The following IDH3G variants were observed in gnomAD, a reference collection of about 807,000 sequenced individuals.
The protein encoded by IDH3G is isocitrate dehydrogenase [NAD] subunit gamma, mitochondrial.
In IDH3G, 9 loss-of-function variants were observed where a neutral mutation model predicts 26.9. The ratio of observed to expected loss-of-function variants is 0.34; its 90% CI spans 0.20 to 0.58. The LOEUF (loss-of-function observed/expected upper bound fraction) is 0.58. IDH3G is among the 20% of genes least tolerant of loss of function. The pLI is 0.85. For missense variants in IDH3G, 250 were observed against 372.8 expected (o/e 0.67, Z 2.71); for synonymous variants, 181 against 160.0 (o/e 1.13, Z -0.99).
chrX:153,789,795 T>G lies in IDH3G; in HGVS notation c.263A>C (p.Glu88Ala). The change falls in exon 5 of 13, where the codon GAG (glutamate) becomes GCG (alanine). Residue 88 changes from glutamate (E) to alanine (A), a missense_variant. Physicochemically the swap from Glu to Ala is moderately radical, Grantham distance 107 (BLOSUM62 -1). Around this residue, in one of 2 missense-constraint regions of IDH3G, gnomAD observed 201 missense variants for 331.3 expected, o/e 0.61. Transcript: ENST00000217901. ...RHACVPVDFE[E>A]VHVSSNADEE... ...ATCAGCATTGGAACTCACGTGCACC[T>G]CTTCAAAGTCCACTGGTACACATGC... 1 of 1,202,032 alleles carries G rather than the reference T, an allele frequency of 8.3e-7. No homozygotes were observed. Among genetic ancestry groups the G allele is most frequent in the Non-Finnish European group, 1.1e-6 (1 of 888,395 alleles).
At chrX:153,786,546 G>A (rs1557069231) in intron 10 of IDH3G, 97 bp from the exon 11 acceptor site, 1 of 726,103 alleles carries the variant, frequency 1.4e-6, no homozygotes, top group African/African-American at 2.1e-5. Flanking sequence ...CACTCCACAG[G>A]GACAAAAGCC....
intron 8 of IDH3G, 54 bp downstream of exon 8, chrX:153,787,410 A>G (rs909169973): frequency 5.1e-6 from 6 of 1,179,038 alleles, no homozygotes; most frequent in Admixed American, 4.4e-5. Context: ...AGCAGGCCCA[A>G]GCAGGCCACT....
Position 153,785,832 on chromosome X carries a change from G to A in IDH3G, c.*40C>T. 2 of 1,195,928 alleles carry A rather than the reference G, an allele frequency of 1.7e-6. No homozygotes were observed. The highest frequency in any genetic ancestry group is 3.0e-5 in the East Asian group (1 of 33,799). On this transcript the variant is annotated 3_prime_UTR_variant, in exon 13 of 13. Transcript: ENST00000217901. ...CTGGCTGGGGTGCTGGAGTGGGAAG[G>A]GGAATCCAAGGAGCAAACCAAGAAG...
chrX:153,790,718 G>A, intron 2 of IDH3G, 92 bp downstream of exon 2: 1 of 1,087,636 alleles, frequency 9.2e-7, no homozygotes. Flanking sequence ...TGGAGACCAC[G>A]TCTCAGAGGA....
At position 153,788,130 on chromosome X, in the gene IDH3G, T is replaced by A; in HGVS notation, c.352A>T (p.Ile118Phe). The part of the protein sequence containing the change: ...RRNRVALKGN[I>F]ETNHNLPPSH... Reference sequence around the variant, plus strand: ...GGTGGCAGGTTATGGTTGGTTTCGATGTTGCCTACAAAACACAACACAGGC... The same window carrying A: ...GGTGGCAGGTTATGGTTGGTTTCGAAGTTGCCTACAAAACACAACACAGGC... Residue 118 changes from isoleucine to phenylalanine, a missense_variant, in exon 6 of 13, where the codon ATC (isoleucine) becomes TTC (phenylalanine). By Grantham distance (21) the Ile-to-Phe change is conservative. This residue lies in a region of IDH3G where 201 missense variants were observed against 331.3 expected (regional missense o/e 0.61). Coordinates refer to ENST00000217901, the MANE Select transcript of IDH3G (RefSeq NM_004135.4). 1 of 1,212,052 alleles carries A rather than the reference T, an allele frequency of 8.3e-7. No homozygotes were observed.
At chrX:153,792,866 G>A (rs1313500191) in intron 1 of IDH3G, among the ~76,000 whole-genome samples, 2 of 112,333 alleles carry the variant, frequency 1.8e-5, no homozygotes, top group African/African-American at 3.2e-5. Context: ...TGTGAGGCAG[G>A]ATGCAATATG....
Position 153,790,245 on chromosome X carries a change from T to C in IDH3G, c.183A>G (p.Pro61=). 8.3e-7 allele frequency: 1 copy of C among 1,211,432 alleles called. No individual in the cohort carries two copies. Among genetic ancestry groups the C allele is most frequent in the Non-Finnish European group, 1.1e-6 (1 of 895,064 alleles). Reference sequence around the variant, plus strand: ...TGAGCTCTGGCCCGATGCCATCCCCTGGGATCATGGTCACCGTGTGCCGCC... The same window carrying C: ...TGAGCTCTGGCCCGATGCCATCCCCCGGGATCATGGTCACCGTGTGCCGCC... ...YGGRHTVTMI[P]GDGIGPELML... Residue 61 remains proline (P), a synonymous_variant, in exon 4 of 13, where the codon CCA becomes CCG. Coordinates refer to ENST00000217901, the MANE Select transcript of IDH3G (RefSeq NM_004135.4).
intron 1 of IDH3G, chrX:153,793,950 T>G: frequency 4.2e-6 from 1 of 237,371 alleles, no homozygotes; most frequent in Non-Finnish European, 7.6e-6. Flanking sequence ...AGTGACTGCC[T>G]CAGAAGGGCT....
intron 1 of IDH3G, chrX:153,792,295 A>G (rs1475363260): frequency 8.9e-6 from 1 of 112,560 alleles, no homozygotes; most frequent in Non-Finnish European, 1.9e-5. Context: ...GAACAAGCAC[A>G]TCAGAAAATG....
intron 1 of IDH3G, 156 bp from the exon 2 acceptor site, chrX:153,791,007 C>A: frequency 4.2e-6 from 2 of 473,660 alleles, no homozygotes; most frequent in Admixed American, 3.7e-5. Context: ...GCTCCAAAGC[C>A]TCAGTCCCCA....
chrX:153,791,583 G>C (rs973922636), intron 1 of IDH3G, among the ~76,000 whole-genome samples: 2 of 112,775 alleles, frequency 1.8e-5, no homozygotes, highest in Non-Finnish European at 3.8e-5. Context: ...AAATGTGCCA[G>C]GTGCCAAGTG....
At position 153,790,542 on chromosome X, in the gene IDH3G, ACAGG is replaced by A. The variant is rs1557070227; in HGVS notation, c.135+18_135+21del. Reference sequence around the variant, plus strand: ...AGCAACTAAGAGCCCCCCAAACCTAACAGGCAGAGAAGAATACTCACAATTGTTT... The same window carrying A: ...AGCAACTAAGAGCCCCCCAAACCTAACAGAGAAGAATACTCACAATTGTTT... On this transcript the variant is annotated intron_variant, in intron 3 of 12. Coordinates refer to ENST00000217901, the MANE Select transcript of IDH3G (RefSeq NM_004135.4). 1 of 1,202,320 alleles carries A rather than the reference ACAGG, an allele frequency of 8.3e-7. No individual in the cohort carries two copies. Among genetic ancestry groups the A allele is most frequent in the Admixed American group, 2.2e-5 (1 of 45,937 alleles).
rs2071122 is a variant in IDH3G at position 153,786,452 on chromosome X, G to A, written c.925-3C>T. The A allele has an allele frequency of 0.3, 348,568 of 1,168,913 alleles. 38,113 individuals are homozygous for A. The highest frequency in any genetic ancestry group is 0.61 in the East Asian group (19,626 of 32,269). On this transcript the variant is annotated splice_region_variant and splice_polypyrimidine_tract_variant and intron_variant, in intron 10 of 12. Coordinates refer to ENST00000217901, the MANE Select transcript of IDH3G (RefSeq NM_004135.4). The stretch of plus-strand genomic sequence containing the variant: ...CTCTTGCCGGTGTTCCTCGTAGCCT[G>A]GGGAGGCAAGACGAAGGAGAGTGGG...
intron 1 of IDH3G, chrX:153,791,308 G>A (rs781876302): frequency 1.6e-5 from 2 of 125,673 alleles, no homozygotes; most frequent in African/African-American, 3.2e-5. Flanking sequence ...GCATGTGGTC[G>A]CTACAGAAAA....
Position 153,790,261 on chromosome X carries a change from G to A in IDH3G, c.167C>T (p.Thr56Met), listed in dbSNP as rs1557070166. The change falls in exon 4 of 13, where the codon ACG (threonine) becomes ATG (methionine). Residue 56 changes from threonine (T) to methionine (M), a missense_variant. Around this residue, in one of 2 missense-constraint regions of IDH3G, gnomAD observed 201 missense variants for 331.3 expected, o/e 0.61. Coordinates refer to ENST00000217901, the MANE Select transcript of IDH3G (RefSeq NM_004135.4). ...PPSAKYGGRH[T>M]VTMIPGDGIG... is the part of the protein sequence containing the mutation. ...GCCATCCCCTGGGATCATGGTCACC[G>A]TGTGCCGCCCGCCATACTTAGCGGA... 1.3e-5 allele frequency: 16 copies of A among 1,210,879 alleles called. No homozygotes were observed. The highest frequency in any genetic ancestry group is 3.0e-5 in the East Asian group (1 of 33,852).
intron 1 of IDH3G, 121 bp downstream of exon 1, chrX:153,794,125 A>C: frequency 1.3e-6 from 1 of 772,510 alleles, no homozygotes; most frequent in Non-Finnish European, 1.8e-6. Flanking sequence ...CCCGGCGCGA[A>C]GCCCTTTCCC....
rs1557069268 is a variant in IDH3G, at chrX:153,786,785, T to C, written c.924+16A>G. On this transcript the variant is annotated intron_variant, in intron 10 of 12. Transcript: ENST00000217901. ...GGAGAAAGGCGGCAAGCCGCGGCAC[T>C]GCCACCGGCACTCACTGTTTCAAAC... 8.4e-7 allele frequency: 1 copy of C among 1,195,547 alleles called. No individual in the cohort carries two copies.
At chrX:153,790,709 G>A (rs2092106269) in intron 2 of IDH3G, 101 bp downstream of exon 2, 8 of 1,072,786 alleles carry the variant, frequency 7.5e-6, no homozygotes, top group Non-Finnish European at 1.0e-5. Context: ...GGTAGCCCCT[G>A]GAGACCACGT....
intron 2 of IDH3G, 59 bp from the exon 3 acceptor site, chrX:153,790,634 T>C (rs1557070266): frequency 8.6e-7 from 1 of 1,159,345 alleles, no homozygotes; most frequent in East Asian, 3.0e-5. Context: ...AGCAAGGCCG[T>C]GACCAGGAAA....
Sources: allele counts gnomAD v4.1 joint callset (sites outside exome capture counted in the v4.1 genomes callset), GRCh38; gene constraint gnomAD v4.1.1; regional missense constraint gnomAD v4.1.1; transcripts MANE v1.5; gene names NCBI Gene and HGNC (gene_info 2026-07-23, HGNC 2026-07-21).